The following CDK6 variants were observed in gnomAD, a reference collection of about 807,000 sequenced individuals.
CDK6 encodes the protein cyclin-dependent kinase 6.
A neutral mutation model predicts 37.1 loss-of-function variants in CDK6; 6 were observed. The ratio of observed to expected loss-of-function variants is 0.16; its 90% CI spans 0.09 to 0.32. The LOEUF is 0.32. CDK6 is among the 10% of genes least tolerant of loss of function. The pLI, the probability that CDK6 is intolerant of heterozygous loss-of-function variation, is 1.00. For synonymous variants in CDK6, 160 were observed against 161.3 expected, an observed-to-expected ratio of 0.99 and a Z score of 0.06; for missense variants, 224 against 418.9, an observed-to-expected ratio of 0.53 and a Z score of 4.06.
At chr7:92,658,790 CA>C (rs1796767666) in intron 5 of CDK6, among the ~76,000 whole-genome samples, 2 of 152,102 alleles carry the variant, frequency 1.3e-5, no homozygotes, top group Admixed American at 1.3e-4. Flanking sequence ...AACTAACAGG[CA>C]TGGAAATCTC....
intron 4 of CDK6, among the ~76,000 whole-genome samples, chr7:92,674,638 T>C (rs1797163993): frequency 6.6e-6 from 1 of 152,226 alleles, no homozygotes; most frequent in African/African-American, 2.4e-5. Context: ...TTTGCTTCCC[T>C]GACACACTGT....
At chr7:92,763,330 A>G (rs1011823947) in intron 3 of CDK6, among the ~76,000 whole-genome samples, 4 of 152,238 alleles carry the variant, frequency 2.6e-5, no homozygotes, top group African/African-American at 9.6e-5. Flanking sequence ...TACCAATAAA[A>G]CAGGAGTAGG....
rs532293582 is a variant in CDK6 at position 92,813,711 on chromosome 7, G to A, written c.233+19380C>T. The stretch of plus-strand genomic sequence containing the variant: ...GAAATATGCTGACTTCACAAACTGT[G>A]AACAATGTATTGAAACTTCCAGTAC... On this transcript the variant is annotated intron_variant, in intron 2 of 7. Coordinates refer to ENST00000424848, the MANE Select transcript of CDK6 (RefSeq NM_001145306.2). Among the ~76,000 whole-genome samples the A allele has an allele frequency of 2.6e-5, 4 of 152,262 alleles. No homozygotes were observed. In the South Asian group the frequency reaches 8.3e-4, roughly 32 times the overall value.
intron 2 of CDK6, among the ~76,000 whole-genome samples, chr7:92,787,708 A>G (rs1363191605): frequency 6.6e-6 from 1 of 152,158 alleles, no homozygotes; most frequent in Non-Finnish European, 1.5e-5. Context: ...TTTTTCTGAT[A>G]CTTGGTGAAA....
chr7:92,792,990 G>A (rs1800320097), intron 2 of CDK6, among the ~76,000 whole-genome samples: 2 of 150,498 alleles, frequency 1.3e-5, no homozygotes, highest in East Asian at 1.9e-4. Flanking sequence ...AAACATCAAG[G>A]GAATTAAAAA....
At position 92,751,142 on chromosome 7, in the gene CDK6, T is replaced by TA. The variant is rs1057083917; in HGVS notation, c.369+23553dup. Among the ~76,000 whole-genome samples, 74 of 152,300 alleles carry TA rather than the reference T, an allele frequency of 4.9e-4. 1 individual carries two copies. Among genetic ancestry groups the TA allele is most frequent in the African/African-American group, 1.8e-3 (73 of 41,576 alleles). ...AATTGCCAAGAGGAACAACGTCATA[T>TA]AAAAATTCCTTCGAAATGCTAAAAT... On this transcript the variant is annotated intron_variant, in intron 3 of 7. Transcript: ENST00000424848.
At chr7:92,660,169 C>T in intron 5 of CDK6, among the ~76,000 whole-genome samples, 1 of 152,200 alleles carries the variant, frequency 6.6e-6, no homozygotes, top group Non-Finnish European at 1.5e-5. Context: ...ACACCGTGCT[C>T]TGCATGACAT....
intron 3 of CDK6, among the ~76,000 whole-genome samples, chr7:92,730,925 C>T (rs1398351264): frequency 6.6e-6 from 1 of 152,098 alleles, no homozygotes; most frequent in African/African-American, 2.4e-5. Context: ...GATCTATTCC[C>T]AGAATGTTTT....
intron 3 of CDK6, among the ~76,000 whole-genome samples, chr7:92,771,203 T>G (rs1799707125): frequency 6.8e-6 from 1 of 146,332 alleles, no homozygotes; most frequent in African/African-American, 2.5e-5. Flanking sequence ...GCCACTGCAC[T>G]CCAGCCTGGT....
chr7:92,645,053 C>G (rs1477192795), intron 5 of CDK6, among the ~76,000 whole-genome samples: 2 of 152,178 alleles, frequency 1.3e-5, no homozygotes, highest in African/African-American at 4.8e-5. Context: ...ATTGTTCACC[C>G]CCACACGCAA....
intron 3 of CDK6, among the ~76,000 whole-genome samples, chr7:92,753,295 C>G (rs1037417577): frequency 9.2e-5 from 14 of 152,004 alleles, no homozygotes; most frequent in African/African-American, 3.4e-4. Context: ...GACCAGAGAT[C>G]CCATAATTAG....
chr7:92,629,857 G>C (rs954631365), intron 5 of CDK6, among the ~76,000 whole-genome samples: 1 of 152,014 alleles, frequency 6.6e-6, no homozygotes, highest in Admixed American at 6.6e-5. Context: ...AACAATGTAG[G>C]GTTCTGGTAA....
intron 4 of CDK6, among the ~76,000 whole-genome samples, chr7:92,689,151 G>A (rs1797541369): frequency 6.6e-6 from 1 of 152,122 alleles, no homozygotes; most frequent in African/African-American, 2.4e-5. Flanking sequence ...GGCTTTACAG[G>A]TAAACGTGCG....
chr7:92,834,199 C>T lies in CDK6; in HGVS notation c.-367-509G>A, dbSNP rs1282460180. 1.3e-5 allele frequency among the ~76,000 whole-genome samples: 2 copies of T among 152,054 alleles called. No homozygotes were observed. The highest frequency in any genetic ancestry group is 2.9e-5 in the Non-Finnish European group (2 of 68,004). ...GACTGTGGGTCCATCCGTGTGGGGCCGCAGAATGTGGGTGGGGGCTCCCAG... is the reference window on the plus strand; with the variant it reads ...GACTGTGGGTCCATCCGTGTGGGGCTGCAGAATGTGGGTGGGGGCTCCCAG... On this transcript the variant is annotated intron_variant, in intron 1 of 7. Transcript: ENST00000424848. This position sits in a 1 kb window ranked among gnomAD's most constrained non-coding sequence, Gnocchi z 4.6.
chr7:92,757,200 A>G (rs573987102), intron 3 of CDK6, among the ~76,000 whole-genome samples: 133 of 152,194 alleles, frequency 8.7e-4, no homozygotes, highest in Non-Finnish European at 1.6e-3. Flanking sequence ...GATTTTTTAT[A>G]TAGGTAAACT....
At chr7:92,667,001 G>A (rs1796972302) in intron 5 of CDK6, among the ~76,000 whole-genome samples, 1 of 152,210 alleles carries the variant, frequency 6.6e-6, no homozygotes, top group East Asian at 1.9e-4. Context: ...TGCCCCTGAA[G>A]CCCTCCTAGT....
chr7:92,717,734 C>G (rs1798265597), intron 4 of CDK6, among the ~76,000 whole-genome samples: 1 of 152,182 alleles, frequency 6.6e-6, no homozygotes, highest in Admixed American at 6.5e-5. Context: ...TTAGGTGAGT[C>G]AAATGAATGA....
At chr7:92,737,758 C>A (rs780442830) in intron 3 of CDK6, among the ~76,000 whole-genome samples, 10 of 152,076 alleles carry the variant, frequency 6.6e-5, no homozygotes, top group Admixed American at 1.3e-4. Flanking sequence ...GTGTGCATTC[C>A]AATACAGAGA....
chr7:92,725,159 G>C (rs1187992758), intron 4 of CDK6: 1 of 985,294 alleles, frequency 1.0e-6, no homozygotes, highest in African/African-American at 1.7e-5. Context: ...CTGTGAATTT[G>C]ATTTCTTCTT....
Sources: gnomAD v4.1 joint callset for allele counts (sites outside exome capture counted in the v4.1 genomes callset) on GRCh38, gnomAD v4.1.1 for gene constraint, Gnocchi (gnomAD v3.1) non-coding constraint, MANE v1.5 for transcripts, NCBI Gene and HGNC (gene_info 2026-07-23, HGNC 2026-07-21) for gene names.